Variants in GLG1 observed in about 807,000 individuals in gnomAD.
GLG1 encodes golgi glycoprotein 1, also known as Golgi apparatus protein 1.
GLG1 carries 38 observed loss-of-function variants against 160.5 expected under a neutral mutation model. That is an observed-to-expected ratio of 0.24 (90% CI 0.18 to 0.31). The LOEUF (loss-of-function observed/expected upper bound fraction) is 0.31, where lower values mean the gene tolerates loss of function less well. Ranked by LOEUF, GLG1 falls within the 10% of genes least tolerant of loss-of-function variation. The pLI, the probability that GLG1 is intolerant of heterozygous loss-of-function variation, is 1.00. For missense variants in GLG1, 1,373 were observed against 1,505.2 expected, an observed-to-expected ratio of 0.91 and a Z score of 1.45; for synonymous variants, 644 against 543.4, an observed-to-expected ratio of 1.19 and a Z score of -2.57.
Position 74,469,080 on chromosome 16 carries a change from C to G in GLG1, c.2319-17G>C. The G allele has an allele frequency of 6.3e-7, 1 of 1,578,186 alleles. No homozygotes were observed. The highest frequency in any genetic ancestry group is 2.2e-5 in the East Asian group (1 of 44,726). ...ACGTCCACCCTGCAGACGAAAGAAG[C>G]TTGAGGCTGGCTGGGGCCACACAAG... On this transcript the variant is annotated splice_polypyrimidine_tract_variant and intron_variant, in intron 16 of 25. Transcript: ENST00000422840.
intron 1 of GLG1, among the ~76,000 whole-genome samples, chr16:74,585,664 C>T (rs1484648387): frequency 6.9e-6 from 1 of 144,428 alleles, no homozygotes; most frequent in Non-Finnish European, 1.5e-5. Context: ...GCCAAGATCA[C>T]GCTACTGTAC....
intron 10 of GLG1, among the ~76,000 whole-genome samples, chr16:74,482,496 C>T (rs188128958): frequency 2.2e-4 from 34 of 152,038 alleles, no homozygotes; most frequent in African/African-American, 7.5e-4. Flanking sequence ...TAATACGGAT[C>T]CTTCTCCTAG....
chr16:74,573,171 T>A (rs2018885011), intron 1 of GLG1, among the ~76,000 whole-genome samples: 1 of 152,100 alleles, frequency 6.6e-6, no homozygotes, highest in Admixed American at 6.6e-5. Flanking sequence ...AAATATCTTT[T>A]AAGAATAGGG....
intron 5 of GLG1, among the ~76,000 whole-genome samples, chr16:74,495,046 C>T (rs922527182): frequency 3.3e-5 from 5 of 149,820 alleles, no homozygotes; most frequent in African/African-American, 1.2e-4. Context: ...TGGAGTTTGT[C>T]ATTTGTTCTC....
At chr16:74,491,620 A>G (rs2015988509) in intron 7 of GLG1, among the ~76,000 whole-genome samples, 1 of 151,722 alleles carries the variant, frequency 6.6e-6, no homozygotes, top group Non-Finnish European at 1.5e-5. Context: ...TGAGCTGTAA[A>G]TGCCAATGGG....
chr16:74,558,985 A>G (rs759641080), intron 1 of GLG1, among the ~76,000 whole-genome samples: 16 of 152,168 alleles, frequency 1.1e-4, no homozygotes, highest in Non-Finnish European at 1.6e-4. Flanking sequence ...ACTGGGCTCA[A>G]GCAATTCTCC....
chr16:74,473,215 T>C (rs895427290), intron 13 of GLG1, among the ~76,000 whole-genome samples: 18 of 152,056 alleles, frequency 1.2e-4, no homozygotes, highest in African/African-American at 4.1e-4. Flanking sequence ...ATCCCCCTTT[T>C]TTTTTTTCTT....
chr16:74,576,238 A>C (rs1262856261), intron 1 of GLG1, among the ~76,000 whole-genome samples: 1 of 152,134 alleles, frequency 6.6e-6, no homozygotes, highest in East Asian at 1.9e-4. Context: ...CTGTGGTGTC[A>C]TACATACACA....
At chr16:74,543,891 G>A (rs2017971687) in intron 1 of GLG1, among the ~76,000 whole-genome samples, 1 of 152,098 alleles carries the variant, frequency 6.6e-6, no homozygotes, top group East Asian at 1.9e-4. Flanking sequence ...CTGTGCTTCA[G>A]TGAGAATAGG....
chr16:74,524,042 A>G (rs2017256426), intron 2 of GLG1, among the ~76,000 whole-genome samples: 1 of 152,066 alleles, frequency 6.6e-6, no homozygotes, highest in Non-Finnish European at 1.5e-5. Flanking sequence ...GTAAAACCCC[A>G]TCTCTACTGA....
chr16:74,465,851 A>G, intron 18 of GLG1, 38 bp from the exon 19 acceptor site: 1 of 1,588,290 alleles, frequency 6.3e-7, no homozygotes, highest in Non-Finnish European at 8.6e-7. Flanking sequence ...GAGAGATGTC[A>G]GAGACTGCTC....
Position 74,458,458 on chromosome 16 carries a change from G to A in GLG1, c.3145-464C>T, listed in dbSNP as rs1250900926. On this transcript the variant is annotated intron_variant, in intron 23 of 25. Coordinates refer to ENST00000422840, the MANE Select transcript of GLG1 (RefSeq NM_001145667.2). ...TAATCCCAGCACTTTGGGAGGCCGAGGTAGGAGTCTGAGACCCGTGTGGGT... is the reference window on the plus strand; with the variant it reads ...TAATCCCAGCACTTTGGGAGGCCGAAGTAGGAGTCTGAGACCCGTGTGGGT... Among the ~76,000 whole-genome samples, 5 of 152,192 alleles carry A rather than the reference G, an allele frequency of 3.3e-5. No individual in the cohort carries two copies. In the South Asian group the frequency reaches 6.2e-4, roughly 19 times the overall value.
intron 1 of GLG1, among the ~76,000 whole-genome samples, chr16:74,575,349 A>C (rs990194453): frequency 3.3e-5 from 5 of 152,220 alleles, no homozygotes; most frequent in Non-Finnish European, 7.3e-5. Flanking sequence ...ACGTACCACT[A>C]GGGGAGAAAT....
intron 2 of GLG1, among the ~76,000 whole-genome samples, chr16:74,527,250 T>TTTC (rs2017367132): frequency 6.9e-6 from 1 of 145,434 alleles, no homozygotes; most frequent in Admixed American, 6.9e-5. Context: ...CAGTTCTTTT[T>TTTC]TTTTTTTTTT....
At chr16:74,587,253 T>C (rs1032242198) in intron 1 of GLG1, among the ~76,000 whole-genome samples, 6 of 152,166 alleles carry the variant, frequency 3.9e-5, no homozygotes, top group African/African-American at 7.2e-5. Flanking sequence ...GCTTACTGTA[T>C]GGAAGTGGCT....
chr16:74,585,456 C>T (rs1465433987), intron 1 of GLG1, among the ~76,000 whole-genome samples: 1 of 152,050 alleles, frequency 6.6e-6, no homozygotes, highest in Non-Finnish European at 1.5e-5. Context: ...CCTATAATCC[C>T]AGCACTTTGG....
intron 1 of GLG1, among the ~76,000 whole-genome samples, chr16:74,565,105 G>A (rs1176929953): frequency 3.3e-5 from 5 of 152,184 alleles, no homozygotes; most frequent in Admixed American, 2.6e-4. Flanking sequence ...TTGGGAGGCT[G>A]AGATGAGCAA....
rs1597210270 is a variant in GLG1 at position 74,452,568 on chromosome 16, A to C, written c.*599T>G. Reference sequence around the variant, plus strand: ...CACTGTCTCAGCAGAAGAAAGCAGGACCCCACACAGCCTGGGGAACGGCTG... The same window carrying C: ...CACTGTCTCAGCAGAAGAAAGCAGGCCCCCACACAGCCTGGGGAACGGCTG... On this transcript the variant is annotated 3_prime_UTR_variant, in exon 26 of 26. Transcript: ENST00000422840. The C allele has an allele frequency of 1.0e-6, 1 of 1,002,646 alleles. No individual in the cohort carries two copies. The highest frequency in any genetic ancestry group is 4.4e-5 in the South Asian group (1 of 22,942). The allele number at this position is 1,002,646 out of a possible 1,614,324, so 62.1% of individuals were successfully genotyped here.
chr16:74,469,950 G>A (rs755583660), intron 16 of GLG1, 35 bp downstream of exon 16: 7 of 1,308,552 alleles, frequency 5.3e-6, no homozygotes, highest in East Asian at 4.6e-5. Context: ...GAGGAACTTC[G>A]GGAAAGTGGA....
Sources: gnomAD v4.1 joint callset for allele counts (sites outside exome capture counted in the v4.1 genomes callset) on GRCh38, gnomAD v4.1.1 for gene constraint, MANE v1.5 for transcripts, NCBI Gene and HGNC (gene_info 2026-07-23, HGNC 2026-07-21) for gene names.